CFAP58: variants seen among roughly 807,000 people sequenced by gnomAD.
The protein encoded by CFAP58 is cilia- and flagella-associated protein 58.
A neutral mutation model predicts 119.5 loss-of-function variants in CFAP58; 88 were observed. The observed-to-expected ratio is 0.74, with a 90% confidence interval of 0.62 to 0.88. The LOEUF is 0.88. Ranked by LOEUF, CFAP58 falls within the 40% of genes least tolerant of loss-of-function variation. The pLI, the probability that CFAP58 is intolerant of heterozygous loss-of-function variation, is 0.00. For synonymous variants in CFAP58, 365 were observed against 366.3 expected (o/e 1.00, Z 0.04); for missense variants, 990 against 1,021.2 (o/e 0.97, Z 0.42).
At chr10:104,364,467 C>CACAT (rs1554914006) in intron 3 of CFAP58, among the ~76,000 whole-genome samples, 85 of 151,684 alleles carry the variant, frequency 5.6e-4, no homozygotes, top group African/African-American at 2.0e-3. Context: ...CACACACACA[C>CACAT]ACACTCTCAC....
chr10:104,393,932 A>G (rs1045715751), intron 11 of CFAP58, among the ~76,000 whole-genome samples: 1 of 152,166 alleles, frequency 6.6e-6, no homozygotes, highest in Non-Finnish European at 1.5e-5. Flanking sequence ...TGACGTTTCT[A>G]TCTGCAGTCT....
At chr10:104,358,293 G>T in intron 1 of CFAP58, 48 bp from the exon 2 acceptor site, 1 of 1,557,964 alleles carries the variant, frequency 6.4e-7, no homozygotes, top group South Asian at 1.2e-5. Context: ...TGATGGTAAT[G>T]ATGTAAATGT....
Position 104,424,617 on chromosome 10 carries a change from C to G in CFAP58, c.2256+17824C>G, listed in dbSNP as rs192411820. Among the ~76,000 whole-genome samples the G allele has an allele frequency of 2.2e-3, 330 of 152,228 alleles. 2 individuals are homozygous for G. Among genetic ancestry groups the G allele is most frequent in the Middle Eastern group, 0.01 (3 of 294 alleles). On this transcript the variant is annotated intron_variant, in intron 15 of 17. Transcript: ENST00000369704. ...ATTTTTGGGAAGAAATGAGACTGATCTCCGTGAGCAGTGTGTGAAAATCCA... is the reference window on the plus strand; with the variant it reads ...ATTTTTGGGAAGAAATGAGACTGATGTCCGTGAGCAGTGTGTGAAAATCCA...
intron 12 of CFAP58, among the ~76,000 whole-genome samples, chr10:104,400,410 G>T (rs920526548): frequency 7.9e-5 from 12 of 152,138 alleles, no homozygotes; most frequent in African/African-American, 2.4e-4. Context: ...GCCTCCCAAA[G>T]TGCTGGGATT....
At chr10:104,371,334 A>T (rs547354765) in intron 7 of CFAP58, among the ~76,000 whole-genome samples, 1 of 152,332 alleles carries the variant, frequency 6.6e-6, no homozygotes, top group East Asian at 1.9e-4. Flanking sequence ...AGTAAATAGC[A>T]TCTAAACTCT....
intron 15 of CFAP58, among the ~76,000 whole-genome samples, chr10:104,430,339 A>T (rs1428433182): frequency 6.6e-6 from 1 of 152,184 alleles, no homozygotes; most frequent in Non-Finnish European, 1.5e-5. Context: ...GGACCACTAA[A>T]ATCACACAGG....
chr10:104,424,123 A>G (rs974882665), intron 15 of CFAP58, among the ~76,000 whole-genome samples: 9 of 152,194 alleles, frequency 5.9e-5, no homozygotes, highest in African/African-American at 1.2e-4. Flanking sequence ...AGTCTGGCTC[A>G]TGTTTCATGC....
intron 16 of CFAP58, 31 bp downstream of exon 16, chr10:104,447,848 C>T (rs1317361450): frequency 6.4e-7 from 1 of 1,569,448 alleles, no homozygotes; most frequent in Non-Finnish European, 8.7e-7. Flanking sequence ...CTTCCGGGTT[C>T]CAGGGCAGCC....
At chr10:104,444,550 AT>A (rs2013084340) in intron 15 of CFAP58, among the ~76,000 whole-genome samples, 1 of 152,242 alleles carries the variant, frequency 6.6e-6, no homozygotes, top group Admixed American at 6.5e-5. Flanking sequence ...AGAGAAATAA[AT>A]TGGAAGACAA....
At chr10:104,445,253 G>A (rs1446711161) in intron 15 of CFAP58, among the ~76,000 whole-genome samples, 1 of 150,316 alleles carries the variant, frequency 6.7e-6, no homozygotes, top group Non-Finnish European at 1.5e-5. Context: ...AGTCCAGGAG[G>A]TTGAGGCTGC....
intron 16 of CFAP58, among the ~76,000 whole-genome samples, chr10:104,448,858 T>C (rs1207552374): frequency 6.6e-6 from 1 of 152,266 alleles, no homozygotes; most frequent in Non-Finnish European, 1.5e-5. Context: ...ACAAAACAAA[T>C]TATTTTCTTG....
At chr10:104,448,975 T>G (rs905129028) in intron 16 of CFAP58, among the ~76,000 whole-genome samples, 1 of 152,248 alleles carries the variant, frequency 6.6e-6, no homozygotes, top group African/African-American at 2.4e-5. Flanking sequence ...AATTTAACCC[T>G]TTATCTCAGG....
chr10:104,400,851 C>T lies in CFAP58; in HGVS notation c.1987C>T (p.Arg663Cys), dbSNP rs779819795. Reference sequence around the variant, plus strand: ...CCTCAGACTTGAGATCAAGAAGCTTCGCCGGGAAAAGGGGATTCTTGCCAG... The same window carrying T: ...CCTCAGACTTGAGATCAAGAAGCTTTGCCGGGAAAAGGGGATTCTTGCCAG... ...RILRLEIKKL[R>C]REKGILARSM... The change falls in exon 13 of 18, where the codon CGC (arginine) becomes TGC (cysteine). Residue 663 changes from arginine (R) to cysteine (C), a missense_variant. Arg to Cys is a radical substitution (Grantham distance 180). Coordinates refer to ENST00000369704, the MANE Select transcript of CFAP58 (RefSeq NM_001008723.2). The T allele has an allele frequency of 1.7e-5, 28 of 1,613,968 alleles. No individual in the cohort carries two copies. Among genetic ancestry groups the T allele is most frequent in the Admixed American group, 1.0e-4 (6 of 59,990 alleles).
intron 1 of CFAP58, among the ~76,000 whole-genome samples, chr10:104,355,819 A>G (rs1227066291): frequency 6.6e-6 from 1 of 152,246 alleles, no homozygotes. Context: ...ATAGGAACAA[A>G]TCTCTTTTGT....
At chr10:104,358,258 T>TGGAGGTTGC in intron 1 of CFAP58, 83 bp from the exon 2 acceptor site, 1 of 1,404,470 alleles carries the variant, frequency 7.1e-7, no homozygotes, top group African/African-American at 1.4e-5. Flanking sequence ...AGGTGTTTCA[T>TGGAGGTTGC]TCAGAGGTAA....
At chr10:104,347,244 C>T in the CFAP58 span, among the ~76,000 whole-genome samples, 1 of 152,080 alleles carries the variant, frequency 6.6e-6, no homozygotes, top group African/African-American at 2.4e-5. Context: ...ACCTTTCAGT[C>T]TTCCTAATAA....
chr10:104,357,942 TG>T (rs1564876070), intron 1 of CFAP58, among the ~76,000 whole-genome samples: 3 of 128,708 alleles, frequency 2.3e-5, no homozygotes, highest in African/African-American at 8.1e-5. Context: ...CACACATATA[TG>T]TACACATATA....
chr10:104,413,361 T>C (rs1367903600), intron 15 of CFAP58, among the ~76,000 whole-genome samples: 2 of 152,244 alleles, frequency 1.3e-5, no homozygotes, highest in Admixed American at 6.5e-5. Context: ...AGTTCTTCCC[T>C]TGCTTGGGAT....
chr10:104,415,802 C>T (rs933554229), intron 15 of CFAP58, among the ~76,000 whole-genome samples: 1 of 152,144 alleles, frequency 6.6e-6, no homozygotes, highest in African/African-American at 2.4e-5. Flanking sequence ...AACCAAGTTC[C>T]CATTAGGCCT....
Sources: allele counts gnomAD v4.1 joint callset (sites outside exome capture counted in the v4.1 genomes callset), GRCh38; gene constraint gnomAD v4.1.1; transcripts MANE v1.5; gene names NCBI Gene and HGNC (gene_info 2026-07-23, HGNC 2026-07-21).